ACER3: variants seen among roughly 807,000 people sequenced by gnomAD.
ACER3 encodes the protein alkaline ceramidase 3, also known as alkCDase 3.
ACER3 carries 16 observed loss-of-function variants against 48.9 expected under a neutral mutation model. That is an observed-to-expected ratio of 0.33 (90% CI 0.22 to 0.50). The LOEUF is 0.50. Ranked by LOEUF, ACER3 falls within the 20% of genes least tolerant of loss-of-function variation. The pLI is 0.98. For synonymous variants in ACER3, 109 were observed against 107.8 expected (o/e 1.01, Z -0.07); for missense variants, 227 against 326.0 (o/e 0.70, Z 2.34).
At chr11:77,012,544 G>A (rs1163176317) in intron 7 of ACER3, among the ~76,000 whole-genome samples, 1 of 148,030 alleles carries the variant, frequency 6.8e-6, no homozygotes, top group African/African-American at 2.5e-5. Flanking sequence ...GTAAGATTTT[G>A]TAAAGTATAA....
intron 1 of ACER3, among the ~76,000 whole-genome samples, chr11:76,911,616 A>AGT (rs1946380706): frequency 6.6e-6 from 1 of 152,134 alleles, no homozygotes; most frequent in African/African-American, 2.4e-5. Context: ...CCCTGGTTCA[A>AGT]ATGCCTCTGA....
intron 7 of ACER3, among the ~76,000 whole-genome samples, chr11:77,005,987 ATATATTTTT>A (rs367867910): frequency 1.8e-3 from 166 of 90,874 alleles, no homozygotes; most frequent in African/African-American, 4.3e-3. Flanking sequence ...ATATATATAT[ATATATTTTT>A]TTTTTTTTTT....
At position 76,926,405 on chromosome 11, in the gene ACER3, G is replaced by A. The variant is rs185892824; in HGVS notation, c.104-152G>A. 7.7e-4 allele frequency: 341 copies of A among 442,446 alleles called. 1 individual carries two copies. The highest frequency in any genetic ancestry group is 6.6e-3 in the African/African-American group (326 of 49,544). The allele number at this position is 442,446 out of a possible 1,614,324, so 27.4% of individuals were successfully genotyped here. ...GATTATTGTGAGAAATTTTTGGTGA[G>A]TACAGAATTTTTTTTCAGCACCTTG... is the stretch of plus-strand genomic sequence containing the variant. On this transcript the variant is annotated intron_variant, in intron 1 of 10. Transcript: ENST00000532485.
chr11:77,003,295 T>C (rs2135277772), intron 7 of ACER3, among the ~76,000 whole-genome samples: 1 of 152,312 alleles, frequency 6.6e-6, no homozygotes, highest in Admixed American at 6.5e-5. Flanking sequence ...TGGTAGTTTG[T>C]GTTTCTTGAG....
chr11:76,996,056 T>C (rs900928862), intron 6 of ACER3, among the ~76,000 whole-genome samples: 10 of 152,078 alleles, frequency 6.6e-5, no homozygotes, highest in Non-Finnish European at 1.5e-5. Flanking sequence ...TTTCTTCTCT[T>C]CATATATTCT....
intron 10 of ACER3, among the ~76,000 whole-genome samples, chr11:77,019,986 A>G (rs1193267932): frequency 1.3e-5 from 2 of 152,234 alleles, no homozygotes; most frequent in Non-Finnish European, 2.9e-5. Flanking sequence ...TTAAGCTGCT[A>G]ATAACTACAT....
intron 2 of ACER3, chr11:76,957,624 A>G (rs1947877344): frequency 3.6e-6 from 1 of 279,200 alleles, no homozygotes; most frequent in South Asian, 3.1e-5. Flanking sequence ...TTATATTTTT[A>G]GTAGAGATGG....
At chr11:76,900,204 T>C (rs557619713) in intron 1 of ACER3, among the ~76,000 whole-genome samples, 36 of 151,938 alleles carry the variant, frequency 2.4e-4, no homozygotes, top group African/African-American at 8.4e-4. Flanking sequence ...TACTATTCAT[T>C]AAGTGGAAGT....
chr11:76,991,307 T>C (rs2135228316), intron 6 of ACER3, among the ~76,000 whole-genome samples: 1 of 152,322 alleles, frequency 6.6e-6, no homozygotes, highest in Non-Finnish European at 1.5e-5. Context: ...CAAAAATGAA[T>C]AAATAAGCAC....
chr11:76,904,097 G>A lies in ACER3; in HGVS notation c.104-22460G>A, dbSNP rs149343102. The stretch of plus-strand genomic sequence containing the variant: ...AGCCTCGTGGGTTCAAGTGATTCTC[G>A]TGCCTCAGTCTCCCAAGTAGCTAGG... On this transcript the variant is annotated intron_variant, in intron 1 of 10. Transcript: ENST00000532485. Among the ~76,000 whole-genome samples, 475 of 152,046 alleles carry A rather than the reference G, an allele frequency of 3.1e-3. 1 individual carries two copies. Among genetic ancestry groups the A allele is most frequent in the African/African-American group, 0.01 (435 of 41,502 alleles).
intron 1 of ACER3, among the ~76,000 whole-genome samples, chr11:76,918,093 A>C (rs1446343176): frequency 6.6e-6 from 1 of 151,982 alleles, no homozygotes; most frequent in Non-Finnish European, 1.5e-5. Context: ...TTCCTGCTAC[A>C]CTTATATATA....
At chr11:76,952,926 A>G (rs760358410) in intron 2 of ACER3, among the ~76,000 whole-genome samples, 6 of 152,138 alleles carry the variant, frequency 3.9e-5, no homozygotes, top group African/African-American at 4.8e-5. Context: ...TCAGCCTCCC[A>G]AAGTGCTGGG....
chr11:76,890,558 A>G (rs1465033233), intron 1 of ACER3, among the ~76,000 whole-genome samples: 1 of 152,206 alleles, frequency 6.6e-6, no homozygotes, highest in South Asian at 2.1e-4. Context: ...ATTGTTCATG[A>G]TAGATTAAAG....
chr11:76,914,867 TA>T (rs1298729637), intron 1 of ACER3, among the ~76,000 whole-genome samples: 14 of 152,134 alleles, frequency 9.2e-5, no homozygotes, highest in South Asian at 6.2e-4. Flanking sequence ...TATGCAGCCA[TA>T]AAAAAAGGAT....
At chr11:76,867,586 A>G (rs1945128418) in intron 1 of ACER3, among the ~76,000 whole-genome samples, 1 of 151,994 alleles carries the variant, frequency 6.6e-6, no homozygotes, top group Non-Finnish European at 1.5e-5. Flanking sequence ...ATGCATTCCC[A>G]AAAACATATT....
At chr11:76,901,566 G>A (rs1168231336) in intron 1 of ACER3, among the ~76,000 whole-genome samples, 1 of 152,156 alleles carries the variant, frequency 6.6e-6, no homozygotes. Context: ...GAAGGAAGGG[G>A]TTTATTCTGC....
chr11:76,959,663 C>T (rs1007148760), intron 3 of ACER3, among the ~76,000 whole-genome samples: 6 of 152,032 alleles, frequency 3.9e-5, no homozygotes, highest in Admixed American at 3.3e-4. Flanking sequence ...AGCAATTCTC[C>T]TGCCTCAGCC....
intron 1 of ACER3, among the ~76,000 whole-genome samples, chr11:76,865,995 T>G (rs1442159684): frequency 1.3e-5 from 2 of 150,454 alleles, no homozygotes; most frequent in Non-Finnish European, 3.0e-5. Context: ...TTTTTTGTTT[T>G]TTTTTTTTTT....
intron 6 of ACER3, among the ~76,000 whole-genome samples, chr11:76,993,681 G>A (rs1372047352): frequency 1.3e-5 from 2 of 152,216 alleles, no homozygotes; most frequent in East Asian, 3.8e-4. Context: ...GACCGGTTTT[G>A]TGGAAGACAA....
Sources: gnomAD v4.1 joint callset for allele counts (sites outside exome capture counted in the v4.1 genomes callset) on GRCh38, gnomAD v4.1.1 for gene constraint, MANE v1.5 for transcripts, NCBI Gene and HGNC (gene_info 2026-07-23, HGNC 2026-07-21) for gene names.